DPH6: variants seen among roughly 807,000 people sequenced by gnomAD.
DPH6 encodes the protein diphthamine biosynthesis 6.
A neutral mutation model predicts 38.2 loss-of-function variants in DPH6; 33 were observed. The observed-to-expected ratio is 0.86, with a 90% confidence interval of 0.65 to 1.15. The LOEUF (loss-of-function observed/expected upper bound fraction) is 1.15, where lower values mean the gene tolerates loss of function less well. Ranked by LOEUF, DPH6 falls within the 50% of genes most tolerant of loss-of-function variation. The probability of loss-of-function intolerance (pLI) is 0.00; values close to 1 mark genes in which losing one functional copy is unlikely to be tolerated. For synonymous variants in DPH6, 108 were observed against 103.0 expected, an observed-to-expected ratio of 1.05 and a Z score of -0.30; for missense variants, 325 against 320.0, an observed-to-expected ratio of 1.02 and a Z score of -0.12.
the DPH6 span, among the ~76,000 whole-genome samples, chr15:35,203,521 G>A: frequency 6.6e-6 from 1 of 151,608 alleles, no homozygotes; most frequent in Non-Finnish European, 1.5e-5. Flanking sequence ...TGAATGTACC[G>A]TATGTTCTCA....
chr15:35,461,221 C>G (rs1344122920), intron 3 of DPH6, among the ~76,000 whole-genome samples: 1 of 152,182 alleles, frequency 6.6e-6, no homozygotes, highest in East Asian at 1.9e-4. Flanking sequence ...ATAGCTGGGA[C>G]TACAGGCGCG....
At chr15:35,220,440 G>A (rs2051435508) in exon 4 of DPH6, 1 of 152,062 alleles carries the variant, frequency 6.6e-6, no homozygotes, top group Non-Finnish European at 1.5e-5. Context: ...CTCATAGTAG[G>A]ATCTGTAATA....
chr15:35,486,361 G>A lies in DPH6; in HGVS notation c.313-31541C>T, dbSNP rs140317377. 3.2e-3 allele frequency among the ~76,000 whole-genome samples: 487 copies of A among 151,678 alleles called. 4 individuals carry two copies. Among genetic ancestry groups the A allele is most frequent in the African/African-American group, 0.011 (466 of 41,332 alleles). ...GGCGACACAGCCAACCCATATCACT[G>A]GGTGATTTATGAAGAAAAAAGGTTT... On this transcript the variant is annotated intron_variant, in intron 3 of 8. Coordinates refer to ENST00000256538, the MANE Select transcript of DPH6 (RefSeq NM_080650.4).
At chr15:35,224,774 G>A (rs1001365178) in intron 3 of DPH6, among the ~76,000 whole-genome samples, 2 of 152,148 alleles carry the variant, frequency 1.3e-5, no homozygotes, top group African/African-American at 4.8e-5. Context: ...TAATAGGTGT[G>A]TAGTGGATTT....
chr15:35,465,657 T>C (rs2054117463), intron 3 of DPH6, among the ~76,000 whole-genome samples: 1 of 152,152 alleles, frequency 6.6e-6, no homozygotes, highest in South Asian at 2.1e-4. Flanking sequence ...AAATCTTTTG[T>C]TTTTTTCTTA....
chr15:35,296,804 C>CTT (rs772132282), intron 3 of DPH6, among the ~76,000 whole-genome samples: 1 of 127,330 alleles, frequency 7.9e-6, no homozygotes, highest in African/African-American at 3.5e-5. Flanking sequence ...GGCCTGGCTT[C>CTT]TTTTTTTTTT....
intron 3 of DPH6, among the ~76,000 whole-genome samples, chr15:35,480,165 G>A (rs1679449335): frequency 6.6e-6 from 1 of 151,868 alleles, no homozygotes; most frequent in Non-Finnish European, 1.5e-5. Flanking sequence ...TGATTTTATA[G>A]TACTAATCTA....
intron 6 of DPH6, chr15:35,400,659 G>A: frequency 1.7e-6 from 1 of 602,428 alleles, no homozygotes; most frequent in Non-Finnish European, 3.0e-6. Context: ...CACCGAGGAA[G>A]CATCATTAAA....
At chr15:35,168,610 A>G in the DPH6 span, among the ~76,000 whole-genome samples, 2 of 152,120 alleles carry the variant, frequency 1.3e-5, no homozygotes. Flanking sequence ...TGCCATTAGT[A>G]TAACGCACAG....
At chr15:35,361,143 T>A (rs1325933290) in intron 3 of DPH6, among the ~76,000 whole-genome samples, 1 of 152,102 alleles carries the variant, frequency 6.6e-6, no homozygotes, top group Admixed American at 6.5e-5. Flanking sequence ...GTTACTGACA[T>A]GCAGCTGAGG....
intron 3 of DPH6, among the ~76,000 whole-genome samples, chr15:35,231,116 T>C (rs1487767732): frequency 6.6e-6 from 1 of 152,172 alleles, no homozygotes; most frequent in Non-Finnish European, 1.5e-5. Context: ...TAGACTGCCT[T>C]TCAAGTTTAT....
chr15:35,472,581 G>C lies in DPH6; in HGVS notation c.313-17761C>G, dbSNP rs557781019. On this transcript the variant is annotated intron_variant, in intron 3 of 8. Coordinates refer to ENST00000256538, the MANE Select transcript of DPH6 (RefSeq NM_080650.4). Reference sequence around the variant, plus strand: ...GGACACCAAACAGTACCTGCAAGGGGCTAACAATGAGTATGAAGGCAAAAA... The same window carrying C: ...GGACACCAAACAGTACCTGCAAGGGCCTAACAATGAGTATGAAGGCAAAAA... 5.3e-5 allele frequency among the ~76,000 whole-genome samples: 8 copies of C among 152,196 alleles called. No homozygotes were observed. The East Asian group carries it at 1.5e-3, about 29-fold the overall frequency.
chr15:35,544,954 A>G (rs2055322375), intron 1 of DPH6, among the ~76,000 whole-genome samples: 1 of 152,258 alleles, frequency 6.6e-6, no homozygotes, highest in South Asian at 2.1e-4. Flanking sequence ...CATTTATGTT[A>G]CAGAGGACAT....
intron 3 of DPH6, among the ~76,000 whole-genome samples, chr15:35,492,489 T>C (rs768802479): frequency 6.4e-4 from 97 of 152,170 alleles, no homozygotes; most frequent in Non-Finnish European, 6.3e-4. Context: ...AAAGCTTCAC[T>C]GGTAATTGGT....
rs139477202 is a variant in DPH6 at position 35,489,505 on chromosome 15, T to C, written c.313-34685A>G. ...ATATAATAAATATGAACTAGAATTA[T>C]AGCCAGAACTTATTTTCATAATCTT... On this transcript the variant is annotated intron_variant, in intron 3 of 8. Transcript: ENST00000256538. 193 of 982,978 alleles carry C rather than the reference T, an allele frequency of 2.0e-4. 1 individual carries two copies. The East Asian group carries it at 0.016, about 83-fold the overall frequency. The allele number at this position is 982,978 out of a possible 1,614,324, so 60.9% of individuals were successfully genotyped here. A position where few individuals can be genotyped will look rare whatever the true frequency, so the allele number is the denominator to read the frequency against.
chr15:35,525,874 C>G (rs1380747848), intron 3 of DPH6, among the ~76,000 whole-genome samples: 1 of 152,102 alleles, frequency 6.6e-6, no homozygotes, highest in Non-Finnish European at 1.5e-5. Flanking sequence ...AAAATTTACA[C>G]CTACAAAACA....
chr15:35,487,002 A>T (rs908794814), intron 3 of DPH6, among the ~76,000 whole-genome samples: 17 of 152,180 alleles, frequency 1.1e-4, no homozygotes, highest in African/African-American at 3.9e-4. Context: ...GCAGCCATTA[A>T]ATCTTGAAAC....
At chr15:35,534,210 T>G (rs2055132972) in intron 3 of DPH6, among the ~76,000 whole-genome samples, 1 of 151,614 alleles carries the variant, frequency 6.6e-6, no homozygotes. Context: ...AAACCCCGTC[T>G]CAACTAAAAA....
intron 3 of DPH6, among the ~76,000 whole-genome samples, chr15:35,528,945 C>T (rs1355603756): frequency 6.6e-6 from 1 of 152,080 alleles, no homozygotes; most frequent in Non-Finnish European, 1.5e-5. Flanking sequence ...TATTAATCAA[C>T]CTTTACAGAC....
Sources: gnomAD v4.1 joint callset for allele counts (sites outside exome capture counted in the v4.1 genomes callset) on GRCh38, gnomAD v4.1.1 for gene constraint, MANE v1.5 for transcripts, NCBI Gene and HGNC (gene_info 2026-07-23, HGNC 2026-07-21) for gene names.